NR5A2: variants seen among roughly 807,000 people sequenced by gnomAD.
NR5A2 encodes the protein CYP7A promoter-binding factor.
NR5A2 carries 26 observed loss-of-function variants against 62.7 expected under a neutral mutation model. The ratio of observed to expected loss-of-function variants is 0.41; its 90% CI spans 0.30 to 0.58. NR5A2 has a LOEUF of 0.58. Among genes scored for constraint, NR5A2 ranks in the 20% least tolerant of loss-of-function variants. The pLI, the probability that NR5A2 is intolerant of heterozygous loss-of-function variation, is 0.22. For synonymous variants in NR5A2, 246 were observed against 241.7 expected, an observed-to-expected ratio of 1.02 and a Z score of -0.16; for missense variants, 541 against 669.1, an observed-to-expected ratio of 0.81 and a Z score of 2.11.
At chr1:200,117,600 A>G (rs141136812) in intron 6 of NR5A2, among the ~76,000 whole-genome samples, 331 of 152,348 alleles carry the variant, frequency 2.2e-3, no homozygotes, top group South Asian at 9.3e-3. Flanking sequence ...TGTTAGAACT[A>G]TACACAACAA....
At chr1:200,065,549 G>A (rs1359047559) in intron 5 of NR5A2, among the ~76,000 whole-genome samples, 4 of 152,238 alleles carry the variant, frequency 2.6e-5, no homozygotes, top group Non-Finnish European at 2.9e-5. Context: ...CGAGGGGGCA[G>A]TCTAGCCCAG....
intron 5 of NR5A2, among the ~76,000 whole-genome samples, chr1:200,110,373 G>A (rs1294357844): frequency 6.6e-6 from 1 of 152,114 alleles, no homozygotes; most frequent in Non-Finnish European, 1.5e-5. Context: ...ATTTAAATAC[G>A]AGGACTGGAC....
Position 200,086,865 on chromosome 1 carries a change from C to T in NR5A2, c.1111-24337C>T, listed in dbSNP as rs139127528. On this transcript the variant is annotated intron_variant, in intron 5 of 7. Coordinates refer to ENST00000367362, the MANE Select transcript of NR5A2 (RefSeq NM_205860.3). ...ACTAGCCTGACCTACATGGTGAAAC[C>T]CCTTCTCTACTAAAAATACAAAAAT... Among the ~76,000 whole-genome samples, 426 of 152,076 alleles carry T rather than the reference C, an allele frequency of 2.8e-3. 16 individuals carry two copies. The East Asian group carries it at 0.068, about 24-fold the overall frequency.
intron 6 of NR5A2, among the ~76,000 whole-genome samples, chr1:200,118,256 A>C (rs1391182986): frequency 6.6e-6 from 1 of 151,992 alleles, no homozygotes; most frequent in Admixed American, 6.6e-5. Flanking sequence ...ACCTCAGGTG[A>C]TCCACCCACC....
chr1:200,118,520 G>T (rs370468482), intron 6 of NR5A2, among the ~76,000 whole-genome samples: 1 of 152,120 alleles, frequency 6.6e-6, no homozygotes, highest in Admixed American at 6.5e-5. Context: ...AGATTTATAC[G>T]TACTTGTCCA....
chr1:200,162,940 T>G (rs944583715), intron 7 of NR5A2, among the ~76,000 whole-genome samples: 5 of 152,204 alleles, frequency 3.3e-5, no homozygotes, highest in Non-Finnish European at 7.3e-5. Flanking sequence ...TAGTAAATAG[T>G]AAACAGTCAT....
At chr1:200,067,568 G>A (rs537248321) in intron 5 of NR5A2, among the ~76,000 whole-genome samples, 1 of 152,102 alleles carries the variant, frequency 6.6e-6, no homozygotes, top group East Asian at 1.9e-4. Context: ...AAGAAGAAGT[G>A]GGAGCTAAAT....
At position 200,174,007 on chromosome 1, in the gene NR5A2, G is replaced by A; in HGVS notation, c.1423G>A (p.Glu475Lys). ...ENFQLVEGVQEQVNAALLDYT... is the reference protein window; with the variant it reads ...ENFQLVEGVQKQVNAALLDYT... ...CTTCCAGCTGGTAGAAGGTGTCCAGGAACAAGTCAATGCCGCCCTGCTGGA... is the reference window on the plus strand; with the variant it reads ...CTTCCAGCTGGTAGAAGGTGTCCAGAAACAAGTCAATGCCGCCCTGCTGGA... Residue 475 changes from glutamate (E) to lysine (K), a missense_variant, in exon 8 of 8, where the codon GAA becomes AAA. Coordinates refer to ENST00000367362, the MANE Select transcript of NR5A2 (RefSeq NM_205860.3). 6.3e-7 allele frequency: 1 copy of A among 1,585,154 alleles called. No individual in the cohort carries two copies. The highest frequency in any genetic ancestry group is 8.6e-7 in the Non-Finnish European group (1 of 1,165,012).
chr1:200,054,923 GTC>G (rs1394581161), intron 5 of NR5A2, among the ~76,000 whole-genome samples: 1 of 150,812 alleles, frequency 6.6e-6, no homozygotes, highest in Non-Finnish European at 1.5e-5. Flanking sequence ...TTAAGACAGG[GTC>G]TCTCTCTGTT....
chr1:200,083,267 T>A (rs1164911558), intron 5 of NR5A2, among the ~76,000 whole-genome samples: 1 of 152,218 alleles, frequency 6.6e-6, no homozygotes, highest in African/African-American at 2.4e-5. Flanking sequence ...AATACTCAGC[T>A]TATTTATTTC....
At chr1:200,047,493 T>C (rs1289797371) in intron 4 of NR5A2, among the ~76,000 whole-genome samples, 1 of 152,162 alleles carries the variant, frequency 6.6e-6, no homozygotes, top group African/African-American at 2.4e-5. Flanking sequence ...CCAAAGCAGT[T>C]TGGGTTTCCA....
chr1:200,059,384 C>T (rs187394370), intron 5 of NR5A2, among the ~76,000 whole-genome samples: 5 of 152,264 alleles, frequency 3.3e-5, no homozygotes, highest in African/African-American at 7.2e-5. Flanking sequence ...ACTGAACAAT[C>T]GGTAGAAGCA....
chr1:200,128,784 G>T (rs1047239617), intron 7 of NR5A2, among the ~76,000 whole-genome samples: 1 of 152,042 alleles, frequency 6.6e-6, no homozygotes, highest in Non-Finnish European at 1.5e-5. Flanking sequence ...TTCCTGAAGG[G>T]TTCAATCATA....
intron 7 of NR5A2, 115 bp from the exon 8 acceptor site, chr1:200,173,848 A>C: frequency 9.2e-7 from 1 of 1,091,758 alleles, no homozygotes; most frequent in Non-Finnish European, 1.2e-6. Flanking sequence ...AGCAGCATGT[A>C]AAGTATGTTT....
intron 7 of NR5A2, among the ~76,000 whole-genome samples, chr1:200,132,710 T>G (rs1571531282): frequency 6.6e-6 from 1 of 152,228 alleles, no homozygotes; most frequent in East Asian, 1.9e-4. Flanking sequence ...AAGAATGCCA[T>G]GTGCTCTTGG....
At chr1:200,059,292 G>C (rs771879923) in intron 5 of NR5A2, among the ~76,000 whole-genome samples, 1 of 152,110 alleles carries the variant, frequency 6.6e-6, no homozygotes, top group Non-Finnish European at 1.5e-5. Flanking sequence ...GTATGCATTA[G>C]CAGTGAGGTC....
At chr1:200,150,629 A>G (rs1417111017) in intron 7 of NR5A2, among the ~76,000 whole-genome samples, 1 of 152,234 alleles carries the variant, frequency 6.6e-6, no homozygotes, top group Non-Finnish European at 1.5e-5. Flanking sequence ...AATGTCAAAA[A>G]AAATATTCAG....
At chr1:200,138,219 T>C (rs1318803580) in intron 7 of NR5A2, among the ~76,000 whole-genome samples, 2 of 152,220 alleles carry the variant, frequency 1.3e-5, no homozygotes, top group Non-Finnish European at 2.9e-5. Flanking sequence ...AATCACTCTA[T>C]TGTTGGACAA....
intron 5 of NR5A2, among the ~76,000 whole-genome samples, chr1:200,077,992 T>C (rs934752287): frequency 1.5e-4 from 23 of 152,168 alleles, no homozygotes; most frequent in Non-Finnish European, 2.8e-4. Flanking sequence ...CAGGGCTTCA[T>C]GGACTCATTG....
Sources: gnomAD v4.1 joint callset for allele counts (sites outside exome capture counted in the v4.1 genomes callset) on GRCh38, gnomAD v4.1.1 for gene constraint, MANE v1.5 for transcripts, NCBI Gene and HGNC (gene_info 2026-07-23, HGNC 2026-07-21) for gene names.